Variants in CDCA2 observed in about 807,000 individuals in gnomAD.
CDCA2 encodes the protein cell division cycle-associated protein 2.
Under a neutral mutation model 67.0 loss-of-function variants are expected in CDCA2, and 44 were observed. The observed-to-expected ratio is 0.66, with a 90% CI of 0.52 to 0.84. CDCA2 has a LOEUF of 0.84. Ranked by LOEUF, CDCA2 falls within the 40% of genes least tolerant of loss-of-function variation. The pLI is 0.00. For missense variants in CDCA2, 1,253 were observed against 1,203.2 expected (o/e 1.04, Z -0.61); for synonymous variants, 447 against 418.7 (o/e 1.07, Z -0.82).
chr8:25,471,357 T>TTTCTTCTTCTTC (rs60138416), intron 7 of CDCA2, among the ~76,000 whole-genome samples: 42,069 of 151,066 alleles, frequency 0.28, 5,921 homozygotes, highest in East Asian at 0.3. Context: ...CAATGTTTTC[T>TTTCTTCTTCTTC]TTCTTCTTCT....
chr8:25,460,081 T>C (rs879305669), intron 1 of CDCA2, among the ~76,000 whole-genome samples, 159 bp from the exon 2 acceptor site: 1 of 152,248 alleles, frequency 6.6e-6, no homozygotes, highest in Admixed American at 6.5e-5. Flanking sequence ...ATACATCTAC[T>C]GTATACCCAC....
chr8:25,472,722 T>C (rs921687845), intron 7 of CDCA2, among the ~76,000 whole-genome samples: 1 of 152,198 alleles, frequency 6.6e-6, no homozygotes, highest in African/African-American at 2.4e-5. Context: ...ATTACTATTA[T>C]TTTTGAATGA....
chr8:25,460,072 T>C (rs1439721191), intron 1 of CDCA2, among the ~76,000 whole-genome samples, 168 bp from the exon 2 acceptor site: 1 of 152,244 alleles, frequency 6.6e-6, no homozygotes, highest in African/African-American at 2.4e-5. Flanking sequence ...CCATAAATTA[T>C]ACATCTACTG....
intron 8 of CDCA2, among the ~76,000 whole-genome samples, chr8:25,481,416 C>T (rs902629646): frequency 6.6e-6 from 1 of 152,092 alleles, no homozygotes; most frequent in Non-Finnish European, 1.5e-5. Flanking sequence ...ACTGGCCGGG[C>T]GTGGTGGCTT....
intron 7 of CDCA2, among the ~76,000 whole-genome samples, chr8:25,471,848 C>T (rs148743577): frequency 9.2e-4 from 140 of 152,208 alleles, no homozygotes; most frequent in Non-Finnish European, 1.5e-3. Flanking sequence ...GCCATGAGGC[C>T]GTACTCAGAA....
At chr8:25,485,044 A>C (rs1803713708) in intron 10 of CDCA2, among the ~76,000 whole-genome samples, 1 of 152,166 alleles carries the variant, frequency 6.6e-6, no homozygotes, top group Admixed American at 6.5e-5. Context: ...AAAAACAATC[A>C]GTGTAATCTG....
rs1424470608 is a variant in CDCA2, at chr8:25,471,001, A to G, written c.820+1021A>G. ...GGGCTTCAACTCCTTGCCTTTAGCAATCCACCCATCTTGGCCTCCTAAAGT... is the reference window on the plus strand; with the variant it reads ...GGGCTTCAACTCCTTGCCTTTAGCAGTCCACCCATCTTGGCCTCCTAAAGT... On this transcript the variant is annotated intron_variant, in intron 7 of 14. Transcript: ENST00000330560. Among the ~76,000 whole-genome samples the G allele has an allele frequency of 2.6e-5, 4 of 152,226 alleles. No homozygotes were observed. In the East Asian group the frequency reaches 5.8e-4, roughly 22 times the overall value.
chr8:25,493,539 C>A (rs903906643), intron 13 of CDCA2, among the ~76,000 whole-genome samples: 1 of 152,080 alleles, frequency 6.6e-6, no homozygotes, highest in South Asian at 2.1e-4. Context: ...ATATCAGACA[C>A]CAAGGATTAA....
intron 12 of CDCA2, among the ~76,000 whole-genome samples, 163 bp from the exon 13 acceptor site, chr8:25,488,389 C>G (rs754304903): frequency 1.3e-5 from 2 of 152,168 alleles, no homozygotes; most frequent in Non-Finnish European, 2.9e-5. Context: ...ATTACCATTT[C>G]CACCAATTTT....
chr8:25,487,449 A>G (rs571303097), intron 12 of CDCA2, 115 bp downstream of exon 12: 61 of 723,476 alleles, frequency 8.4e-5, no homozygotes, highest in Admixed American at 2.2e-4. Flanking sequence ...GTCATTAAGA[A>G]TTAATACTTT....
Position 25,506,494 on chromosome 8 carries a change from A to G in CDCA2, c.1844-16A>G. ...TTACTTTTTAATTAGATTTAAACCT[A>G]TTTACATGCCCATAGGTTATTTCAG... On this transcript the variant is annotated splice_polypyrimidine_tract_variant and intron_variant, in intron 14 of 14. Transcript: ENST00000330560. 2.6e-6 allele frequency: 4 copies of G among 1,532,528 alleles called. No homozygotes were observed. Among genetic ancestry groups the G allele is most frequent in the Middle Eastern group, 1.8e-4 (1 of 5,666 alleles). The allele number at this position is 1,532,528 out of a possible 1,614,324, so 94.9% of individuals were successfully genotyped here. A position where few individuals can be genotyped will look rare whatever the true frequency, so the allele number is the denominator to read the frequency against.
chr8:25,481,551 G>A (rs969937310), intron 8 of CDCA2, among the ~76,000 whole-genome samples: 3 of 152,142 alleles, frequency 2.0e-5, no homozygotes, highest in Middle Eastern at 3.4e-3. Context: ...TTAGCCGGGC[G>A]TAGTGGCGGG....
chr8:25,491,924 G>A (rs760960038), intron 13 of CDCA2, among the ~76,000 whole-genome samples: 7 of 151,986 alleles, frequency 4.6e-5, no homozygotes, highest in Non-Finnish European at 7.4e-5. Context: ...CAGCCTCCCA[G>A]TTAGCTGGGA....
intron 4 of CDCA2, among the ~76,000 whole-genome samples, chr8:25,462,568 T>C (rs557015013): frequency 3.3e-5 from 5 of 152,086 alleles, no homozygotes; most frequent in African/African-American, 1.2e-4. Flanking sequence ...AGAGGTTGCA[T>C]TGAGTCAAGA....
At chr8:25,459,504 GTTTCTCCGGGGCA>G (rs2117467752) in intron 1 of CDCA2, 31 bp downstream of exon 1, 1 of 152,606 alleles carries the variant, frequency 6.6e-6, no homozygotes, top group Non-Finnish European at 1.5e-5. Flanking sequence ...CCACGGGGCT[GTTTCTCCGGGGCA>G]TTTCTAGGCA....
chr8:25,503,250 T>C (rs1804543608), intron 13 of CDCA2, 123 bp from the exon 14 acceptor site: 4 of 733,958 alleles, frequency 5.4e-6, no homozygotes, highest in South Asian at 1.8e-5. Flanking sequence ...GCCACTGCAC[T>C]CCAGCCTGGA....
At chr8:25,502,427 A>T (rs1371329115) in intron 13 of CDCA2, among the ~76,000 whole-genome samples, 1 of 152,090 alleles carries the variant, frequency 6.6e-6, no homozygotes, top group Admixed American at 6.6e-5. Flanking sequence ...TCCGGATATT[A>T]TTAAGCGACT....
chr8:25,468,532 G>GTTGT (rs1554520607), intron 6 of CDCA2, 119 bp downstream of exon 6: 12 of 424,302 alleles, frequency 2.8e-5, no homozygotes, highest in African/African-American at 2.5e-4. Flanking sequence ...TGGTTCCTGG[G>GTTGT]GTGTGTGTGT....
chr8:25,468,566 T>TGCGTGC (rs1563262618), intron 6 of CDCA2, among the ~76,000 whole-genome samples, 153 bp downstream of exon 6: 2 of 149,564 alleles, frequency 1.3e-5, no homozygotes, highest in African/African-American at 2.5e-5. Context: ...TGCGTGTGTG[T>TGCGTGC]GTGTGTGTTT....
Sources: allele counts gnomAD v4.1 joint callset (sites outside exome capture counted in the v4.1 genomes callset), GRCh38; gene constraint gnomAD v4.1.1; transcripts MANE v1.5; gene names NCBI Gene and HGNC (gene_info 2026-07-23, HGNC 2026-07-21).